The following NXPE2 variants were observed in gnomAD, a reference collection of about 807,000 sequenced individuals.
NXPE2 encodes neurexophilin and PC-esterase domain family member 2.
NXPE2 carries 34 observed loss-of-function variants against 34.4 expected under a neutral mutation model. That is an observed-to-expected ratio of 0.99 (90% CI 0.75 to 1.31). The LOEUF is 1.31. Among genes scored for constraint, NXPE2 ranks in the 40% most tolerant of loss-of-function variants. The probability of loss-of-function intolerance (pLI) is 0.00; values close to 1 mark genes in which losing one functional copy is unlikely to be tolerated. For synonymous variants in NXPE2, 235 were observed against 231.3 expected (o/e 1.02, Z -0.15); for missense variants, 649 against 672.5 (o/e 0.97, Z 0.39).
chr11:114,470,319 G>A, the NXPE2 span, among the ~76,000 whole-genome samples: 12 of 152,098 alleles, frequency 7.9e-5, no homozygotes, highest in Admixed American at 7.2e-4. Flanking sequence ...CCAACTATGT[G>A]AGAGAATTCC....
chr11:114,631,862 G>C, the NXPE2 span, among the ~76,000 whole-genome samples: 4 of 150,878 alleles, frequency 2.7e-5, no homozygotes, highest in African/African-American at 9.8e-5. Flanking sequence ...GTATTGTGTC[G>C]TGGGTAACCG....
chr11:114,795,849 A>G, the NXPE2 span, among the ~76,000 whole-genome samples: 1 of 152,346 alleles, frequency 6.6e-6, no homozygotes, highest in South Asian at 2.1e-4. Flanking sequence ...TGAATTTTCA[A>G]AAGGGGCTAA....
At chr11:114,582,740 G>A in the NXPE2 span, 21 of 1,614,164 alleles carry the variant, frequency 1.3e-5, no homozygotes, top group Non-Finnish European at 1.7e-5. Context: ...TGCGTCCCAA[G>A]TGGTCCCTCA....
At chr11:114,699,168 C>T (rs1329129076) in intron 3 of NXPE2, among the ~76,000 whole-genome samples, 1 of 152,136 alleles carries the variant, frequency 6.6e-6, no homozygotes, top group Non-Finnish European at 1.5e-5. Context: ...AGCTTTACCC[C>T]TTACATCCAG....
At chr11:114,506,123 AAAAAAAAG>A in the NXPE2 span, among the ~76,000 whole-genome samples, 1 of 151,990 alleles carries the variant, frequency 6.6e-6, no homozygotes, top group Non-Finnish European at 1.5e-5. Flanking sequence ...AAAAAAAAAA[AAAAAAAAG>A]AAGTTAAAAA....
chr11:114,616,094 T>G, the NXPE2 span, among the ~76,000 whole-genome samples: 1 of 151,546 alleles, frequency 6.6e-6, no homozygotes, highest in African/African-American at 2.4e-5. Flanking sequence ...TGCTGCATAA[T>G]AAGTAATGCA....
the NXPE2 span, among the ~76,000 whole-genome samples, chr11:114,566,474 G>C: frequency 1.3e-5 from 2 of 152,198 alleles, no homozygotes; most frequent in Non-Finnish European, 2.9e-5. Context: ...CTACTGAGAG[G>C]CTGAGTTGGA....
the NXPE2 span, among the ~76,000 whole-genome samples, chr11:114,565,443 C>G: frequency 6.6e-6 from 1 of 152,336 alleles, no homozygotes; most frequent in African/African-American, 2.4e-5. Flanking sequence ...GTTCCTGATG[C>G]TGCGAACAAG....
the NXPE2 span, among the ~76,000 whole-genome samples, chr11:114,652,527 G>T: frequency 1.3e-5 from 2 of 152,162 alleles, no homozygotes; most frequent in Non-Finnish European, 2.9e-5. Context: ...ATCTCTAAGG[G>T]CTGTTTTGAG....
the NXPE2 span, among the ~76,000 whole-genome samples, chr11:114,601,341 G>A: frequency 2.7e-5 from 4 of 147,026 alleles, no homozygotes; most frequent in African/African-American, 1.0e-4. Flanking sequence ...AGAATATGTG[G>A]TATTTGGTTT....
the NXPE2 span, among the ~76,000 whole-genome samples, chr11:114,494,689 T>A: frequency 1.3e-5 from 2 of 152,196 alleles, no homozygotes; most frequent in Non-Finnish European, 2.9e-5. Flanking sequence ...TCTTCCTCTC[T>A]GGGATTTGTT....
At chr11:114,653,985 G>A in the NXPE2 span, among the ~76,000 whole-genome samples, 51 of 152,262 alleles carry the variant, frequency 3.3e-4, no homozygotes, top group African/African-American at 1.2e-3. Context: ...TACTTGGAAG[G>A]AAGGCATACC....
chr11:114,469,127 T>C, the NXPE2 span, among the ~76,000 whole-genome samples: 3 of 142,808 alleles, frequency 2.1e-5, no homozygotes, highest in East Asian at 6.1e-4. Flanking sequence ...TTTTTTTTTT[T>C]TTTTTGAGCT....
chr11:114,706,728 G>C lies in NXPE2; in HGVS notation c.1478G>C (p.Arg493Thr). The C allele has an allele frequency of 6.4e-7, 1 of 1,552,346 alleles. No homozygotes were observed. Among genetic ancestry groups the C allele is most frequent in the Non-Finnish European group, 8.7e-7 (1 of 1,147,068 alleles). The part of the protein sequence containing the change: ...TKVILKTENT[R>T]EIEQNAEMFS... Reference sequence around the variant, plus strand: ...GTGATACTTAAAACTGAAAACACCAGAGAGATAGAACAAAATGCAGAGATG... The same window carrying C: ...GTGATACTTAAAACTGAAAACACCACAGAGATAGAACAAAATGCAGAGATG... The change falls in exon 6 of 6, where the codon AGA becomes ACA. Residue 493 changes from arginine to threonine, a missense_variant. Arg to Thr is a moderately conservative substitution (Grantham distance 71). Transcript: ENST00000389586.
the NXPE2 span, among the ~76,000 whole-genome samples, chr11:114,734,208 TA>T: frequency 6.6e-6 from 1 of 152,194 alleles, no homozygotes; most frequent in Non-Finnish European, 1.5e-5. Context: ...AGGTTTTCTA[TA>T]TCTTGGTAAC....
chr11:114,682,859 A>C (rs1180860119), intron 2 of NXPE2, among the ~76,000 whole-genome samples: 1 of 150,888 alleles, frequency 6.6e-6, no homozygotes, highest in Non-Finnish European at 1.5e-5. Context: ...AAAAAAAAAA[A>C]CTTATAGGAA....
the NXPE2 span, among the ~76,000 whole-genome samples, chr11:114,712,507 A>G: frequency 2.0e-5 from 3 of 152,344 alleles, no homozygotes; most frequent in South Asian, 4.1e-4. Context: ...CAATAAACAC[A>G]TAAAAAGATG....
chr11:114,625,287 G>A, the NXPE2 span, among the ~76,000 whole-genome samples: 9 of 152,264 alleles, frequency 5.9e-5, no homozygotes, highest in South Asian at 6.2e-4. Context: ...TGCCTCATGC[G>A]TAACCACAGT....
At chr11:114,528,012 T>C in the NXPE2 span, 1 of 664,784 alleles carries the variant, frequency 1.5e-6, no homozygotes. Flanking sequence ...AACTGGAAGC[T>C]GTTATTATTG....
Sources: allele counts gnomAD v4.1 joint callset (sites outside exome capture counted in the v4.1 genomes callset), GRCh38; gene constraint gnomAD v4.1.1; transcripts MANE v1.5; gene names NCBI Gene and HGNC (gene_info 2026-07-23, HGNC 2026-07-21).